GSG1L: variants seen among roughly 807,000 people sequenced by gnomAD.
GSG1L encodes GSG1 like, also known as germ cell-specific gene 1-like protein.
A neutral mutation model predicts 42.1 loss-of-function variants in GSG1L; 24 were observed. The ratio of observed to expected loss-of-function variants is 0.57; its 90% confidence interval spans 0.41 to 0.80. GSG1L has a LOEUF of 0.80. Ranked by LOEUF, GSG1L falls within the 30% of genes least tolerant of loss-of-function variation. GSG1L has a pLI of 0.00. For missense variants in GSG1L, 445 were observed against 472.2 expected, an observed-to-expected ratio of 0.94 and a Z score of 0.53; for synonymous variants, 215 against 203.5, an observed-to-expected ratio of 1.06 and a Z score of -0.48.
intron 5 of GSG1L, among the ~76,000 whole-genome samples, chr16:27,813,844 T>C (rs1436677304): frequency 6.6e-6 from 1 of 152,182 alleles, no homozygotes; most frequent in Non-Finnish European, 1.5e-5. Context: ...TGAGGAGGAA[T>C]CATGGTTGAG....
chr16:27,821,364 C>T (rs751460244), intron 5 of GSG1L, among the ~76,000 whole-genome samples: 1 of 151,938 alleles, frequency 6.6e-6, no homozygotes, highest in Non-Finnish European at 1.5e-5. Context: ...TGAGGTTGGG[C>T]TTCAGTTGAT....
At chr16:28,044,627 T>A (rs1596727555) in intron 1 of GSG1L, among the ~76,000 whole-genome samples, 2 of 150,448 alleles carry the variant, frequency 1.3e-5, no homozygotes, top group East Asian at 3.9e-4. Flanking sequence ...CGAATGCTTT[T>A]TTTTTTTTTT....
At chr16:27,857,822 G>A (rs1373790929) in intron 3 of GSG1L, among the ~76,000 whole-genome samples, 1 of 151,548 alleles carries the variant, frequency 6.6e-6, no homozygotes, top group African/African-American at 2.4e-5. Flanking sequence ...ATGTCTCCAA[G>A]TGACAAGCAG....
intron 1 of GSG1L, among the ~76,000 whole-genome samples, chr16:28,030,498 G>A (rs1445059562): frequency 6.6e-6 from 1 of 152,148 alleles, no homozygotes; most frequent in Non-Finnish European, 1.5e-5. Context: ...ACAGACAGAA[G>A]GACAATGGGA....
chr16:27,831,017 G>T (rs1263900626), intron 4 of GSG1L, among the ~76,000 whole-genome samples: 1 of 152,238 alleles, frequency 6.6e-6, no homozygotes, highest in Non-Finnish European at 1.5e-5. Flanking sequence ...CATGACCTCG[G>T]CTTGGCTAAT....
chr16:27,852,180 G>A (rs916954883), intron 3 of GSG1L, among the ~76,000 whole-genome samples: 2 of 152,334 alleles, frequency 1.3e-5, no homozygotes, highest in East Asian at 1.9e-4. Context: ...AAATATTCTC[G>A]TAGATGCTGG....
chr16:27,842,669 G>A (rs962925879), intron 4 of GSG1L, among the ~76,000 whole-genome samples: 2 of 152,174 alleles, frequency 1.3e-5, no homozygotes, highest in African/African-American at 4.8e-5. Context: ...TACTTAAAGG[G>A]ATCGGGGCCA....
intron 3 of GSG1L, among the ~76,000 whole-genome samples, chr16:27,857,593 C>G (rs1432037295): frequency 6.6e-6 from 1 of 151,948 alleles, no homozygotes; most frequent in Non-Finnish European, 1.5e-5. Context: ...AAACGAAAGG[C>G]AAGGGGTTCT....
intron 5 of GSG1L, among the ~76,000 whole-genome samples, chr16:27,823,612 TG>T: frequency 6.6e-6 from 1 of 152,124 alleles, no homozygotes; most frequent in African/African-American, 2.4e-5. Flanking sequence ...ATAGGAAACG[TG>T]GGGGCGTGAG....
chr16:27,949,918 C>G (rs1230376613), intron 2 of GSG1L, among the ~76,000 whole-genome samples: 1 of 152,064 alleles, frequency 6.6e-6, no homozygotes, highest in Non-Finnish European at 1.5e-5. Context: ...GAGTGAGACT[C>G]CGTCTCAAAA....
intron 1 of GSG1L, among the ~76,000 whole-genome samples, chr16:28,061,742 A>T (rs887879350): frequency 6.6e-6 from 1 of 152,178 alleles, no homozygotes; most frequent in African/African-American, 2.4e-5. Context: ...CGCAGTGGTG[A>T]GATCCAAAGA....
At chr16:27,865,523 CTATATATATATATATA>C (rs1172385916) in intron 3 of GSG1L, among the ~76,000 whole-genome samples, 3 of 58,270 alleles carry the variant, frequency 5.1e-5, no homozygotes, top group Non-Finnish European at 9.7e-5. Flanking sequence ...CTCTCTCTTT[CTATATATATATATATA>C]TATATATATA....
chr16:27,921,930 C>T (rs1186919667), intron 2 of GSG1L, among the ~76,000 whole-genome samples: 2 of 151,702 alleles, frequency 1.3e-5, no homozygotes, highest in Non-Finnish European at 2.9e-5. Context: ...AAAAGACCAT[C>T]AAGTAAGGGT....
chr16:28,003,462 A>G (rs1454681821), intron 1 of GSG1L, among the ~76,000 whole-genome samples: 2 of 152,050 alleles, frequency 1.3e-5, no homozygotes, highest in Non-Finnish European at 2.9e-5. Context: ...GACCAGCCCT[A>G]CAGAAGCCAA....
chr16:27,826,535 G>A (rs552558373), intron 5 of GSG1L, among the ~76,000 whole-genome samples: 45 of 152,252 alleles, frequency 3.0e-4, no homozygotes, highest in African/African-American at 8.9e-4. Flanking sequence ...GAGGGGAGGC[G>A]GTCCCAGGAA....
intron 1 of GSG1L, among the ~76,000 whole-genome samples, chr16:28,024,305 G>C (rs2085877647): frequency 6.6e-6 from 1 of 152,196 alleles, no homozygotes; most frequent in Admixed American, 6.5e-5. Context: ...GAAATCATCA[G>C]GGAGGAAATT....
chr16:27,827,336 T>G (rs907732306), intron 5 of GSG1L, among the ~76,000 whole-genome samples: 1 of 152,072 alleles, frequency 6.6e-6, no homozygotes, highest in Non-Finnish European at 1.5e-5. Flanking sequence ...GGGATAGGCC[T>G]GGGAGGCAGA....
chr16:27,882,821 C>T (rs1178269819), intron 3 of GSG1L, among the ~76,000 whole-genome samples: 1 of 152,154 alleles, frequency 6.6e-6, no homozygotes, highest in Non-Finnish European at 1.5e-5. Flanking sequence ...AGATCACAAA[C>T]TTGGCCAGAC....
At chr16:27,849,691 GTATT>G (rs747204110) in intron 3 of GSG1L, among the ~76,000 whole-genome samples, 2 of 151,858 alleles carry the variant, frequency 1.3e-5, no homozygotes, top group African/African-American at 4.8e-5. Context: ...CTTGGCTATT[GTATT>G]TATTTATTTA....
Sources: allele counts gnomAD v4.1 joint callset (sites outside exome capture counted in the v4.1 genomes callset), GRCh38; gene constraint gnomAD v4.1.1; transcripts MANE v1.5; gene names NCBI Gene and HGNC (gene_info 2026-07-23, HGNC 2026-07-21).